HERC1: variants seen among roughly 807,000 people sequenced by gnomAD.
HERC1 encodes the protein HECT and RLD domain containing E3 ubiquitin protein ligase family member 1, also known as probable E3 ubiquitin-protein ligase HERC1.
In HERC1, 160 loss-of-function variants were observed where a neutral mutation model predicts 554.3. That is an observed-to-expected ratio of 0.29 (90% CI 0.25 to 0.33). HERC1 has a LOEUF of 0.33. Among genes scored for constraint, HERC1 ranks in the 10% least tolerant of loss-of-function variants. HERC1 has a pLI of 1.00. For missense variants in HERC1, 4,919 were observed against 5,918.5 expected (o/e 0.83, Z 5.54); for synonymous variants, 2,175 against 2,131.7 (o/e 1.02, Z -0.56).
At chr15:63,650,840 C>T (rs1005150360) in intron 53 of HERC1, among the ~76,000 whole-genome samples, 7 of 151,884 alleles carry the variant, frequency 4.6e-5, no homozygotes, top group Non-Finnish European at 1.0e-4. Context: ...CTAATAAGCT[C>T]GATATTACAA....
At chr15:63,757,329 AT>A (rs2075456121) in intron 4 of HERC1, among the ~76,000 whole-genome samples, 1 of 140,984 alleles carries the variant, frequency 7.1e-6, no homozygotes, top group Admixed American at 7.9e-5. Context: ...CAGTGGTGCA[AT>A]TTTGTTTCAC....
intron 76 of HERC1, among the ~76,000 whole-genome samples, chr15:63,614,247 C>T (rs117400957): frequency 1.8e-3 from 276 of 152,262 alleles, no homozygotes; most frequent in Non-Finnish European, 3.5e-3. Context: ...GCCTGGACAC[C>T]ATCTTAGAGC....
chr15:63,678,328 C>T lies in HERC1; in HGVS notation c.6587G>A (p.Arg2196Gln), dbSNP rs1211928504. Residue 2196 changes from arginine (R) to glutamine (Q), a missense_variant, in exon 37 of 78, where the codon CGA becomes CAA. Transcript: ENST00000443617. Reference sequence around the variant, plus strand: ...AATAGGGTCTCCTGGAAGTAAGTCTCGGGGTGTGCCACGCATCTGCATATC... The same window carrying T: ...AATAGGGTCTCCTGGAAGTAAGTCTTGGGGTGTGCCACGCATCTGCATATC... Reference protein sequence around the residue: ...ICDMQMRGTPRDLLPGDPICS... With the variant: ...ICDMQMRGTPQDLLPGDPICS... 3 of 1,610,566 alleles carry T rather than the reference C, an allele frequency of 1.9e-6. No individual in the cohort carries two copies. Among genetic ancestry groups the T allele is most frequent in the South Asian group, 1.1e-5 (1 of 90,510 alleles).
At chr15:63,735,540 A>AT (rs1330455249) in intron 12 of HERC1, among the ~76,000 whole-genome samples, 16 of 149,734 alleles carry the variant, frequency 1.1e-4, no homozygotes, top group African/African-American at 3.8e-4. Context: ...AATTTAAAGT[A>AT]TAAAAAAAAA....
At chr15:63,737,580 C>A (rs2074603409) in intron 12 of HERC1, among the ~76,000 whole-genome samples, 1 of 124,496 alleles carries the variant, frequency 8.0e-6, no homozygotes, top group Non-Finnish European at 1.6e-5. Context: ...AGGGGTTTTG[C>A]ATATTGGCCA....
chr15:63,636,221 CTCAA>C, intron 64 of HERC1, 79 bp from the exon 65 acceptor site: 1 of 1,293,950 alleles, frequency 7.7e-7, no homozygotes, highest in South Asian at 1.4e-5. Flanking sequence ...ACTGAATACC[CTCAA>C]TCAAAAACCA....
At position 63,690,480 on chromosome 15, in the gene HERC1, A is replaced by G. The variant is rs1005864846; in HGVS notation, c.5937+61T>C. ...CAACTGAAGAGACTGTTAAGTACAGATTTGGGTGAATCATTTTGCAAATAT... is the reference window on the plus strand; with the variant it reads ...CAACTGAAGAGACTGTTAAGTACAGGTTTGGGTGAATCATTTTGCAAATAT... On this transcript the variant is annotated intron_variant, in intron 32 of 77. Transcript: ENST00000443617. 3.8e-5 allele frequency: 40 copies of G among 1,065,082 alleles called. No homozygotes were observed. The Admixed American group carries it at 7.1e-4, about 19-fold the overall frequency. The allele number at this position is 1,065,082 out of a possible 1,614,324, so 66.0% of individuals were successfully genotyped here.
At chr15:63,798,804 C>T (rs1454370378) in intron 1 of HERC1, among the ~76,000 whole-genome samples, 4 of 152,112 alleles carry the variant, frequency 2.6e-5, no homozygotes, top group African/African-American at 4.8e-5. Context: ...ATATTTTTGG[C>T]TACCAAAATG....
At chr15:63,831,644 CT>C (rs199690859) in intron 1 of HERC1, among the ~76,000 whole-genome samples, 2 of 151,856 alleles carry the variant, frequency 1.3e-5, no homozygotes, top group Non-Finnish European at 1.5e-5. Context: ...ACCCAGCCCC[CT>C]TTTTTTTCTA....
intron 70 of HERC1, among the ~76,000 whole-genome samples, chr15:63,627,985 A>G (rs940323683): frequency 6.6e-6 from 1 of 152,240 alleles, no homozygotes; most frequent in Admixed American, 6.5e-5. Context: ...CACAGACATC[A>G]TGTTTCAAAT....
rs1283268955 is a variant in HERC1, at chr15:63,749,036, T to A, written c.2219+331A>T. ...AAACATTAAATCAATAAAGCCTAGTTCTGATTTTAATTATTTTAATTTCCT... is the reference window on the plus strand; with the variant it reads ...AAACATTAAATCAATAAAGCCTAGTACTGATTTTAATTATTTTAATTTCCT... On this transcript the variant is annotated intron_variant, in intron 10 of 77. Transcript: ENST00000443617. This position sits in a 1 kb window ranked among gnomAD's most constrained non-coding sequence, Gnocchi z 4.1. Among the ~76,000 whole-genome samples the A allele has an allele frequency of 1.3e-5, 2 of 152,160 alleles. No individual in the cohort carries two copies. The highest frequency in any genetic ancestry group is 2.4e-5 in the African/African-American group (1 of 41,456).
intron 44 of HERC1, 30 bp from the exon 45 acceptor site, chr15:63,662,051 T>A (rs1051761410): frequency 3.1e-6 from 5 of 1,593,480 alleles, no homozygotes; most frequent in Non-Finnish European, 4.3e-6. Flanking sequence ...ACCAAATGAT[T>A]AGTCAATTTA....
At chr15:63,648,702 A>G (rs2069486464) in intron 54 of HERC1, among the ~76,000 whole-genome samples, 3 of 152,218 alleles carry the variant, frequency 2.0e-5, no homozygotes, top group Admixed American at 6.5e-5. Context: ...AAAGACTACA[A>G]AAGAAGTAAA....
Position 63,624,195 on chromosome 15 carries a change from A to C in HERC1, c.13408T>G (p.Tyr4470Asp). The change falls in exon 72 of 78, where the codon TAT becomes GAT. Residue 4470 changes from tyrosine (Y) to aspartate (D), a missense_variant. This residue lies in a region of HERC1 where 410 missense variants were observed against 467.0 expected (regional missense o/e 0.88). Transcript: ENST00000443617. ...CTCTTTACAGTTATCTGAGGTCCAT[A>C]GTTTTTGCCTTGAACCATGGTTTTT... is the stretch of plus-strand genomic sequence containing the variant. ...IGKTMVQGKN[Y>D]GPQITVKRIS... The C allele has an allele frequency of 6.2e-7, 1 of 1,613,882 alleles. No individual in the cohort carries two copies. Among genetic ancestry groups the C allele is most frequent in the Non-Finnish European group, 8.5e-7 (1 of 1,179,798 alleles).
At chr15:63,744,110 C>CTGTGTGTGTGTGTGTGTGTGTGTGTGTG (rs142936354) in intron 12 of HERC1, among the ~76,000 whole-genome samples, 2 of 93,422 alleles carry the variant, frequency 2.1e-5, no homozygotes, top group African/African-American at 4.8e-5. Context: ...CCCAAACAGA[C>CTGTGTGTGTGTGTGTGTGTGTGTGTGTG]TGTGTGTGTG....
intron 10 of HERC1, among the ~76,000 whole-genome samples, chr15:63,748,179 CTG>C (rs1351124839): frequency 1.3e-5 from 2 of 151,982 alleles, no homozygotes; most frequent in African/African-American, 2.4e-5. Context: ...TGAGCAGAGA[CTG>C]TATCACTGCA....
At chr15:63,806,419 T>C (rs1209746980) in intron 1 of HERC1, among the ~76,000 whole-genome samples, 1 of 152,210 alleles carries the variant, frequency 6.6e-6, no homozygotes, top group East Asian at 1.9e-4. Context: ...ATTTACTCAC[T>C]TCCTCCTCTA....
chr15:63,616,287 G>C, intron 75 of HERC1, 143 bp downstream of exon 75: 1 of 856,346 alleles, frequency 1.2e-6, no homozygotes, highest in Non-Finnish European at 1.8e-6. Context: ...CGGTTGAGCT[G>C]CTAAGGGCAG....
chr15:63,725,775 A>G (rs1180985877), intron 17 of HERC1, among the ~76,000 whole-genome samples: 6 of 152,204 alleles, frequency 3.9e-5, no homozygotes, highest in Non-Finnish European at 5.9e-5. Context: ...ATATGACAAC[A>G]TTATTCCAAT....
Sources: allele counts gnomAD v4.1 joint callset (sites outside exome capture counted in the v4.1 genomes callset), GRCh38; gene constraint gnomAD v4.1.1; regional missense constraint gnomAD v4.1.1; non-coding constraint Gnocchi (gnomAD v3.1); transcripts MANE v1.5; gene names NCBI Gene and HGNC (gene_info 2026-07-23, HGNC 2026-07-21).